SORL1: variants seen among roughly 807,000 people sequenced by gnomAD.
SORL1 encodes sortilin related receptor 1, also known as sortilin-related receptor.
In SORL1, 127 loss-of-function variants were observed where a neutral mutation model predicts 273.7. The observed-to-expected ratio is 0.46, with a 90% CI of 0.40 to 0.54. The LOEUF is 0.54. Among genes scored for constraint, SORL1 ranks in the 20% least tolerant of loss-of-function variants. The pLI is 0.00. For missense variants in SORL1, 2,494 were observed against 2,846.1 expected, an observed-to-expected ratio of 0.88 and a Z score of 2.81; for synonymous variants, 1,031 against 1,067.4, an observed-to-expected ratio of 0.97 and a Z score of 0.66.
chr11:121,571,311 T>A (rs1353784091), intron 23 of SORL1, among the ~76,000 whole-genome samples: 3 of 152,144 alleles, frequency 2.0e-5, no homozygotes, highest in Non-Finnish European at 4.4e-5. Flanking sequence ...GCCAGGAAAC[T>A]GGTTTGAGTT....
In SORL1 at chr11:121,496,967, C is replaced by T. The variant is rs923805983; in HGVS notation, c.857C>T (p.Ser286Phe). The change falls in exon 6 of 48, where the codon TCC (serine) becomes TTC (phenylalanine). Residue 286 changes from serine to phenylalanine, a missense_variant. By Grantham distance (155) the Ser-to-Phe change is radical. Transcript: ENST00000260197. ...TTCCGAAGTACAGATTTCTTCCAGTCCCGGGAAAACCAGGAAGTGATCCTT... is the reference window on the plus strand; with the variant it reads ...TTCCGAAGTACAGATTTCTTCCAGTTCCGGGAAAACCAGGAAGTGATCCTT... ...TVFRSTDFFQ[S>F]RENQEVILEE... 2 of 1,614,084 alleles carry T rather than the reference C, an allele frequency of 1.2e-6. No individual in the cohort carries two copies. Among genetic ancestry groups the T allele is most frequent in the Non-Finnish European group, 1.7e-6 (2 of 1,179,986 alleles).
rs574207928 is a variant in SORL1 at position 121,571,778 on chromosome 11, C to T, written c.3337+1508C>T. 5.3e-5 allele frequency among the ~76,000 whole-genome samples: 8 copies of T among 152,344 alleles called. No homozygotes were observed. In the South Asian group the frequency reaches 1.4e-3, roughly 28 times the overall value. ...GTTATTTACAAAGCCTTTCCTTAAT[C>T]GTTTTCCCTTGGATTCAGAGGGTGC... is the stretch of plus-strand genomic sequence containing the variant. On this transcript the variant is annotated intron_variant, in intron 23 of 47. Coordinates refer to ENST00000260197, the MANE Select transcript of SORL1 (RefSeq NM_003105.6).
intron 25 of SORL1, 75 bp downstream of exon 25, chr11:121,577,475 G>A (rs1019551426): frequency 1.2e-5 from 17 of 1,384,564 alleles, no homozygotes; most frequent in South Asian, 3.7e-5. Context: ...TTAAACGATC[G>A]GAAAATCTAG....
chr11:121,575,982 T>C (rs1031573076), intron 24 of SORL1, among the ~76,000 whole-genome samples: 1 of 152,202 alleles, frequency 6.6e-6, no homozygotes, highest in East Asian at 1.9e-4. Flanking sequence ...GTCCTCTTCG[T>C]AAGTTTCCAC....
intron 14 of SORL1, among the ~76,000 whole-genome samples, chr11:121,548,235 T>A (rs979952990): frequency 3.3e-5 from 5 of 152,228 alleles, no homozygotes; most frequent in Non-Finnish European, 7.3e-5. Context: ...AAGAATCTAG[T>A]CTTGGGCCTC....
At chr11:121,515,648 T>TTTTG (rs1415033045) in intron 8 of SORL1, among the ~76,000 whole-genome samples, 1 of 152,092 alleles carries the variant, frequency 6.6e-6, no homozygotes, top group African/African-American at 2.4e-5. Flanking sequence ...TTTTTGTTGT[T>TTTTG]TTTGTTTGTT....
chr11:121,605,169 G>A lies in SORL1; in HGVS notation c.4708G>A (p.Asp1570Asn), dbSNP rs893040078. ...TCAGTGGACAGCTGACTTCTCTGGGGATGTGACTTTGACCTGGATGAGGCC... is the reference window on the plus strand; with the variant it reads ...TCAGTGGACAGCTGACTTCTCTGGGAATGTGACTTTGACCTGGATGAGGCC... ...NLQWTADFSG[D>N]VTLTWMRPKK... is the part of the protein sequence containing the mutation. The change falls in exon 34 of 48, where the codon GAT becomes AAT. Residue 1570 changes from aspartate (D) to asparagine (N), a missense_variant. Asp to Asn is a conservative substitution (Grantham distance 23). Around this residue, in one of 3 missense-constraint regions of SORL1, gnomAD observed 1,609 missense variants for 1,816.4 expected, o/e 0.89. Transcript: ENST00000260197. 2 of 1,613,604 alleles carry A rather than the reference G, an allele frequency of 1.2e-6. No individual in the cohort carries two copies. The highest frequency in any genetic ancestry group is 3.3e-5 in the Admixed American group (2 of 60,008).
rs1862487162 is a variant in SORL1, at chr11:121,550,177, C to T, written c.2180+89C>T. 1 of 1,345,234 alleles carries T rather than the reference C, an allele frequency of 7.4e-7. No homozygotes were observed. The highest frequency in any genetic ancestry group is 1.5e-5 in the African/African-American group (1 of 67,388). 83.3% of individuals were successfully genotyped at this position (1,345,234 alleles called of 1,614,324 possible). ...AGAGGACCGTCTGGATTGCTCTACA[C>T]TCGAAATTCTAGAATTCCAAGTTAA... On this transcript the variant is annotated intron_variant, in intron 15 of 47. Transcript: ENST00000260197. This position sits in a 1 kb window ranked among gnomAD's most constrained non-coding sequence, Gnocchi z 5.3.
rs1862296819 is a variant in SORL1, at chr11:121,538,347, A to T, written c.1686-5201A>T. Among the ~76,000 whole-genome samples, 3 of 152,198 alleles carry T rather than the reference A, an allele frequency of 2.0e-5. No individual in the cohort carries two copies. The South Asian group carries it at 6.2e-4, about 32-fold the overall frequency. ...TTTCCAGTCAGTGCTCTCCACCCCC[A>T]AACCCCTGCCCCAATTACAGGCAAC... is the stretch of plus-strand genomic sequence containing the variant. On this transcript the variant is annotated intron_variant, in intron 12 of 47. Transcript: ENST00000260197.
intron 16 of SORL1, among the ~76,000 whole-genome samples, chr11:121,551,163 A>G (rs567542042): frequency 6.6e-6 from 1 of 152,348 alleles, no homozygotes; most frequent in South Asian, 2.1e-4. Context: ...TCAGGGAAGC[A>G]GATATTATCA....
intron 6 of SORL1, among the ~76,000 whole-genome samples, chr11:121,503,083 T>G (rs549272921): frequency 3.3e-5 from 5 of 152,204 alleles, no homozygotes; most frequent in African/African-American, 1.2e-4. Context: ...TTGCCCAGGC[T>G]GGTCTCAAAC....
At chr11:121,553,183 T>C (rs1862529466) in intron 16 of SORL1, among the ~76,000 whole-genome samples, 1 of 152,210 alleles carries the variant, frequency 6.6e-6, no homozygotes, top group African/African-American at 2.4e-5. Context: ...TTGTGTGACC[T>C]TGGGTGAGTT....
At chr11:121,483,235 G>A (rs910285684) in intron 3 of SORL1, among the ~76,000 whole-genome samples, 1 of 152,150 alleles carries the variant, frequency 6.6e-6, no homozygotes, top group African/African-American at 2.4e-5. Flanking sequence ...ACGGGCCAGC[G>A]CCACTGCATA....
At chr11:121,618,730 C>T (rs751900497) in intron 41 of SORL1, 44 bp from the exon 42 acceptor site, 42 of 1,611,074 alleles carry the variant, frequency 2.6e-5, no homozygotes, top group East Asian at 4.5e-5. Flanking sequence ...ATGAGATCAT[C>T]GGCCCATGAG....
intron 1 of SORL1, chr11:121,453,007 A>G: frequency 5.5e-6 from 1 of 183,048 alleles, no homozygotes; most frequent in Middle Eastern, 2.2e-3. Flanking sequence ...CTTACACAGA[A>G]CAGCACGAGG....
rs1862547594 is a variant in SORL1 at position 121,554,390 on chromosome 11, G to C, written c.2439+281G>C. On this transcript the variant is annotated intron_variant, in intron 17 of 47. Transcript: ENST00000260197. The surrounding 1 kb of genome is among the most constrained non-coding windows in gnomAD (Gnocchi z 4.6). Reference sequence around the variant, plus strand: ...CTGGGAAGGTGTTGGGACTAGTAATGTAGGATGATTAGTTGCCCCCCTATT... The same window carrying C: ...CTGGGAAGGTGTTGGGACTAGTAATCTAGGATGATTAGTTGCCCCCCTATT... Among the ~76,000 whole-genome samples the C allele has an allele frequency of 6.6e-6, 1 of 152,216 alleles. No individual in the cohort carries two copies. Among genetic ancestry groups the C allele is most frequent in the Non-Finnish European group, 1.5e-5 (1 of 68,032 alleles).
intron 6 of SORL1, among the ~76,000 whole-genome samples, chr11:121,508,468 T>G (rs1029302304): frequency 2.6e-5 from 4 of 152,372 alleles, no homozygotes; most frequent in African/African-American, 9.6e-5. Context: ...TTCACTATTT[T>G]CAGTAAATGC....
chr11:121,466,516 G>C (rs73011118), intron 1 of SORL1, among the ~76,000 whole-genome samples: 1,662 of 152,318 alleles, frequency 0.011, 10 homozygotes, highest in Middle Eastern at 0.024. Context: ...TGGAGAGCTA[G>C]CAGGAAAAGC....
At chr11:121,601,545 C>T (rs961772606) in intron 32 of SORL1, among the ~76,000 whole-genome samples, 4 of 151,306 alleles carry the variant, frequency 2.6e-5, no homozygotes, top group African/African-American at 9.7e-5. Context: ...TCTCCACCTC[C>T]TCTCCAGCAC....
Sources: allele counts gnomAD v4.1 joint callset (sites outside exome capture counted in the v4.1 genomes callset), GRCh38; gene constraint gnomAD v4.1.1; regional missense constraint gnomAD v4.1.1; non-coding constraint Gnocchi (gnomAD v3.1); transcripts MANE v1.5; gene names NCBI Gene and HGNC (gene_info 2026-07-23, HGNC 2026-07-21).